Variants in OPCML observed in about 807,000 individuals in gnomAD.
OPCML encodes opioid binding protein/cell adhesion molecule like, also known as opioid-binding protein/cell adhesion molecule.
In OPCML, 13 loss-of-function variants were observed where a neutral mutation model predicts 37.8. The ratio of observed to expected loss-of-function variants is 0.34; its 90% CI spans 0.22 to 0.55. The LOEUF (loss-of-function observed/expected upper bound fraction) is 0.55, where lower values mean the gene tolerates loss of function less well. Among genes scored for constraint, OPCML ranks in the 20% least tolerant of loss-of-function variants. The pLI, the probability that OPCML is intolerant of heterozygous loss-of-function variation, is 0.91. For missense variants in OPCML, 341 were observed against 435.6 expected, an observed-to-expected ratio of 0.78 and a Z score of 1.93; for synonymous variants, 176 against 168.8, an observed-to-expected ratio of 1.04 and a Z score of -0.33.
intron 4 of OPCML, among the ~76,000 whole-genome samples, chr11:132,442,198 T>C (rs1037057505): frequency 1.3e-5 from 2 of 152,194 alleles, no homozygotes; most frequent in Non-Finnish European, 2.9e-5. Context: ...TTTTTCTGTA[T>C]CTTAGGCTCA....
chr11:132,434,442 T>A (rs1426847373), intron 7 of OPCML, among the ~76,000 whole-genome samples: 1 of 152,216 alleles, frequency 6.6e-6, no homozygotes, highest in African/African-American at 2.4e-5. Context: ...TGTGAGTGCA[T>A]GCATGTGTGT....
In OPCML at chr11:132,621,914, C is replaced by T. The variant is rs11223153; in HGVS notation, c.379+35173G>A. On this transcript the variant is annotated intron_variant, in intron 3 of 7. Coordinates refer to ENST00000524381, the MANE Select transcript of OPCML (RefSeq NM_001012393.5). ...TCTTTTGTGTAGGAGACATGGAATA[C>T]ATTTTCCCTCCATGGAATTTGTAGA... 0.013 allele frequency among the ~76,000 whole-genome samples: 1,974 copies of T among 152,242 alleles called. 137 individuals carry two copies. The East Asian group carries it at 0.21, about 16-fold the overall frequency.
intron 2 of OPCML, among the ~76,000 whole-genome samples, chr11:132,856,593 G>A (rs1942067197): frequency 6.6e-6 from 1 of 152,160 alleles, no homozygotes; most frequent in South Asian, 2.1e-4. Context: ...TCAGGAGGTG[G>A]ACAAGCCGAC....
At chr11:133,399,540 T>C (rs1264046197) in intron 1 of OPCML, among the ~76,000 whole-genome samples, 1 of 152,136 alleles carries the variant, frequency 6.6e-6, no homozygotes, top group East Asian at 1.9e-4. Context: ...CCAACCTCAT[T>C]GCCATGGCAC....
At chr11:132,843,304 G>A (rs1011505511) in intron 2 of OPCML, among the ~76,000 whole-genome samples, 4 of 151,766 alleles carry the variant, frequency 2.6e-5, no homozygotes, top group Non-Finnish European at 5.9e-5. Flanking sequence ...TCTTCATGTT[G>A]GTCAGGCTGG....
chr11:132,459,407 TCACA>T (rs1050575915), intron 4 of OPCML, among the ~76,000 whole-genome samples: 1 of 117,582 alleles, frequency 8.5e-6, no homozygotes, highest in African/African-American at 3.3e-5. Flanking sequence ...CTCTCTCTCT[TCACA>T]CATACATACA....
Position 132,605,889 on chromosome 11 carries a change from G to C in OPCML, c.379+51198C>G, listed in dbSNP as rs1032387656. Among the ~76,000 whole-genome samples, 3 of 152,158 alleles carry C rather than the reference G, an allele frequency of 2.0e-5. No homozygotes were observed. In the East Asian group the frequency reaches 5.8e-4, roughly 29 times the overall value. ...GAATAAGTGAACAAATGAATGAGAA[G>C]AGCAAAGTCCATGGTTTGCCAGTGA... On this transcript the variant is annotated intron_variant, in intron 3 of 7. Transcript: ENST00000524381.
chr11:132,428,896 A>G (rs201861305), intron 7 of OPCML, among the ~76,000 whole-genome samples: 3 of 152,180 alleles, frequency 2.0e-5, no homozygotes, highest in East Asian at 1.9e-4. Flanking sequence ...GGCACTTCCT[A>G]TATTTTATTG....
chr11:132,781,601 T>TACACACAC (rs139359164), intron 2 of OPCML, among the ~76,000 whole-genome samples: 2 of 146,336 alleles, frequency 1.4e-5, no homozygotes, highest in Non-Finnish European at 3.0e-5. Context: ...CACATATACA[T>TACACACAC]ACACACACAC....
intron 2 of OPCML, among the ~76,000 whole-genome samples, chr11:132,718,908 T>C (rs1435923201): frequency 6.6e-6 from 1 of 152,204 alleles, no homozygotes; most frequent in Non-Finnish European, 1.5e-5. Context: ...TTGCTAGGGC[T>C]CCTCGCCAGA....
chr11:132,674,993 T>C (rs1449819027), intron 2 of OPCML, among the ~76,000 whole-genome samples: 1 of 152,164 alleles, frequency 6.6e-6, no homozygotes, highest in African/African-American at 2.4e-5. Flanking sequence ...TATTCATATG[T>C]TCCTTGTTCA....
intron 4 of OPCML, among the ~76,000 whole-genome samples, chr11:132,502,516 G>T (rs959980390): frequency 2.0e-5 from 3 of 152,120 alleles, no homozygotes; most frequent in African/African-American, 7.2e-5. Context: ...CTTCCTGGTT[G>T]CTTTCCTCAG....
At chr11:133,335,049 G>A (rs568841440) in intron 1 of OPCML, among the ~76,000 whole-genome samples, 15 of 152,246 alleles carry the variant, frequency 9.9e-5, no homozygotes, top group Admixed American at 2.6e-4. Context: ...CTACTTTGCC[G>A]GGGGCTGTCC....
At chr11:133,256,665 T>C (rs1310197459) in intron 1 of OPCML, among the ~76,000 whole-genome samples, 4 of 152,236 alleles carry the variant, frequency 2.6e-5, no homozygotes, top group Non-Finnish European at 5.9e-5. Context: ...CTGTGTTCTT[T>C]TTCCCATTTA....
chr11:132,798,219 C>T (rs184312153), intron 2 of OPCML, among the ~76,000 whole-genome samples: 11 of 152,174 alleles, frequency 7.2e-5, no homozygotes, highest in Admixed American at 2.0e-4. Context: ...TACAGGCATG[C>T]ACCACCATAG....
At position 133,174,373 on chromosome 11, in the gene OPCML, T is replaced by C. The variant is rs1401057015; in HGVS notation, c.62-231363A>G. 1.3e-5 allele frequency among the ~76,000 whole-genome samples: 2 copies of C among 152,106 alleles called. No individual in the cohort carries two copies. The highest frequency in any genetic ancestry group is 4.8e-5 in the African/African-American group (2 of 41,434). On this transcript the variant is annotated intron_variant, in intron 1 of 7. Coordinates refer to ENST00000524381, the MANE Select transcript of OPCML (RefSeq NM_001012393.5). This position sits in a 1 kb window ranked among gnomAD's most constrained non-coding sequence, Gnocchi z 4.6. ...CATTTCTAGTTTCTCAAAAGCCCCA[T>C]TCCCTGTGCCTGGTAGTGAAATAAG...
chr11:132,455,276 C>T (rs1462822474), intron 4 of OPCML, among the ~76,000 whole-genome samples: 4 of 152,038 alleles, frequency 2.6e-5, no homozygotes, highest in African/African-American at 7.2e-5. Context: ...CTCAGAGATG[C>T]CAACTGGCTG....
Position 132,915,238 on chromosome 11 carries a change from C to T in OPCML, c.146+27688G>A, listed in dbSNP as rs528235351. On this transcript the variant is annotated intron_variant, in intron 2 of 7. Transcript: ENST00000524381. The stretch of plus-strand genomic sequence containing the variant: ...CCATTTTCAACATTATATATGTGAA[C>T]GTGTATACACATCTATCTGGGTTAT... 5.9e-5 allele frequency among the ~76,000 whole-genome samples: 9 copies of T among 152,260 alleles called. No homozygotes were observed. The East Asian group carries it at 9.7e-4, about 16-fold the overall frequency.
Position 132,670,746 on chromosome 11 carries a change from A to G in OPCML, c.147-13427T>C, listed in dbSNP as rs1453380673. Among the ~76,000 whole-genome samples, 5 of 152,066 alleles carry G rather than the reference A, an allele frequency of 3.3e-5. 1 individual carries two copies. In the South Asian group the frequency reaches 1.0e-3, roughly 32 times the overall value. On this transcript the variant is annotated intron_variant, in intron 2 of 7. Coordinates refer to ENST00000524381, the MANE Select transcript of OPCML (RefSeq NM_001012393.5). ...TCCAAAGAAACTATTTTTTTTTAGC[A>G]CTGTTGCCACAGTTCTGGAGCATAG...
Sources: allele counts gnomAD v4.1 joint callset (sites outside exome capture counted in the v4.1 genomes callset), GRCh38; gene constraint gnomAD v4.1.1; non-coding constraint Gnocchi (gnomAD v3.1); transcripts MANE v1.5; gene names NCBI Gene and HGNC (gene_info 2026-07-23, HGNC 2026-07-21).